Variants in COL5A1 observed in about 807,000 individuals in gnomAD.
The protein encoded by COL5A1 is collagen type V alpha 1 chain.
Under a neutral mutation model 263.7 loss-of-function variants are expected in COL5A1, and 16 were observed. That is an observed-to-expected ratio of 0.06 (90% CI 0.04 to 0.09). COL5A1 has a LOEUF of 0.09. Ranked by LOEUF, COL5A1 falls within the 10% of genes least tolerant of loss-of-function variation. The pLI, the probability that COL5A1 is intolerant of heterozygous loss-of-function variation, is 1.00. For missense variants in COL5A1, 2,036 were observed against 2,540.5 expected, an observed-to-expected ratio of 0.80 and a Z score of 4.27; for synonymous variants, 1,012 against 1,004.5, an observed-to-expected ratio of 1.01 and a Z score of -0.14.
rs1185657975 is a variant in COL5A1, at chr9:134,815,637, C to T, written c.4068+8C>T. The T allele has an allele frequency of 6.2e-7, 1 of 1,613,252 alleles. No homozygotes were observed. The highest frequency in any genetic ancestry group is 1.3e-5 in the African/African-American group (1 of 74,878). ...GGAGAGCCTGGCCCCGCGGTAGGTG[C>T]TCAAGAGGGCAAAGCCACCGGATCC... On this transcript the variant is annotated splice_region_variant and intron_variant, in intron 51 of 65. Transcript: ENST00000371817.
chr9:134,831,198 C>T (rs761744721), intron 64 of COL5A1, among the ~76,000 whole-genome samples: 10 of 152,238 alleles, frequency 6.6e-5, no homozygotes, highest in Non-Finnish European at 1.2e-4. Flanking sequence ...GCCGCCTTTG[C>T]CCTGTCTGCA....
intron 11 of COL5A1, among the ~76,000 whole-genome samples, chr9:134,739,489 C>T (rs533784146): frequency 1.4e-4 from 21 of 152,352 alleles, no homozygotes; most frequent in African/African-American, 4.6e-4. Flanking sequence ...CGGGTGTTCA[C>T]GCCAGGGCCC....
chr9:134,744,920 C>T (rs115854225), intron 11 of COL5A1, among the ~76,000 whole-genome samples: 2,808 of 152,336 alleles, frequency 0.018, 97 homozygotes, highest in African/African-American at 0.063. Context: ...CACACCCAGG[C>T]GTGCACGTGC....
chr9:134,738,157 C>T (rs929198641), intron 9 of COL5A1, among the ~76,000 whole-genome samples: 1 of 152,208 alleles, frequency 6.6e-6, no homozygotes, highest in Admixed American at 6.5e-5. Flanking sequence ...TGGGGTGATG[C>T]AGGGAGCCTG....
At chr9:134,760,931 G>A (rs1836398349) in intron 18 of COL5A1, among the ~76,000 whole-genome samples, 1 of 138,830 alleles carries the variant, frequency 7.2e-6, no homozygotes, top group East Asian at 2.2e-4. Context: ...GTACACACAT[G>A]CACACACATG....
Position 134,740,758 on chromosome 9 carries a change from C to T in COL5A1, c.1494+1950C>T, listed in dbSNP as rs368881878. On this transcript the variant is annotated intron_variant, in intron 11 of 65. Coordinates refer to ENST00000371817, the MANE Select transcript of COL5A1 (RefSeq NM_000093.5). ...GCTTGGGAGTCACTGGTGGGTGGCC[C>T]TGCCAGTGCCTTGTGACACCGTGAC... Among the ~76,000 whole-genome samples the T allele has an allele frequency of 6.2e-3, 940 of 152,234 alleles. 13 individuals carry two copies. The highest frequency in any genetic ancestry group is 0.021 in the African/African-American group (890 of 41,534).
Position 134,701,566 on chromosome 9 carries a change from C to T in COL5A1, c.654+233C>T, listed in dbSNP as rs571912627. On this transcript the variant is annotated intron_variant, in intron 4 of 65. Transcript: ENST00000371817. ...TAGGCCGCGTGGGGATGGCAGTGGC[C>T]GCCCTTGTCCCAAGGGCCCAGTACG... 2.0e-5 allele frequency among the ~76,000 whole-genome samples: 3 copies of T among 152,330 alleles called. No individual in the cohort carries two copies. In the South Asian group the frequency reaches 6.2e-4, roughly 32 times the overall value.
At chr9:134,813,208 GCC>G (rs1430962074) in intron 48 of COL5A1, among the ~76,000 whole-genome samples, 1 of 151,870 alleles carries the variant, frequency 6.6e-6, no homozygotes, top group Non-Finnish European at 1.5e-5. Flanking sequence ...GTGTGTGTGT[GCC>G]TGTGTGTGTG....
chr9:134,731,502 C>T lies in COL5A1; in HGVS notation c.1171C>T (p.Pro391Ser), dbSNP rs1234055460. The T allele has an allele frequency of 6.2e-7, 1 of 1,614,066 alleles. No homozygotes were observed. Among genetic ancestry groups the T allele is most frequent in the Non-Finnish European group, 8.5e-7 (1 of 1,180,028 alleles). The change falls in exon 8 of 66, where the codon CCG (proline) becomes TCG (serine). Residue 391 changes from proline (P) to serine (S), a missense_variant. Around this residue, in one of 3 missense-constraint regions of COL5A1, gnomAD observed 600 missense variants for 634.5 expected, o/e 0.95. Coordinates refer to ENST00000371817, the MANE Select transcript of COL5A1 (RefSeq NM_000093.5). The stretch of plus-strand genomic sequence containing the variant: ...CCTTCCTCTCCCTCTGCAGCCAGCT[C>T]CGCCTCCAGGGGAAGGTGCGGATGA... ...ADTSNSSNPA[P>S]PPGEGADDLE...
At chr9:134,767,162 A>G (rs991344567) in intron 23 of COL5A1, 109 bp downstream of exon 23, 26 of 1,424,926 alleles carry the variant, frequency 1.8e-5, no homozygotes, top group Non-Finnish European at 2.5e-5. Context: ...TCCAAGTAGC[A>G]GCCCCTCCCC....
intron 63 of COL5A1, among the ~76,000 whole-genome samples, chr9:134,828,669 T>A (rs1306940940): frequency 4.8e-5 from 7 of 146,868 alleles, no homozygotes; most frequent in South Asian, 2.2e-4. Context: ...CACACACCCA[T>A]AATGCGCCAT....
intron 18 of COL5A1, among the ~76,000 whole-genome samples, chr9:134,759,381 A>C (rs1015914035): frequency 6.9e-6 from 1 of 143,972 alleles, no homozygotes; most frequent in African/African-American, 2.6e-5. Context: ...CACACACCAC[A>C]CATGCACACA....
intron 24 of COL5A1, among the ~76,000 whole-genome samples, chr9:134,768,054 A>G (rs1836738359): frequency 6.6e-6 from 1 of 152,162 alleles, no homozygotes; most frequent in Admixed American, 6.5e-5. Flanking sequence ...CAGACCAGGG[A>G]GGACAGGGTG....
chr9:134,695,462 A>G (rs1833426282), intron 2 of COL5A1, among the ~76,000 whole-genome samples: 1 of 152,142 alleles, frequency 6.6e-6, no homozygotes, highest in South Asian at 2.1e-4. Context: ...CGAGGGTGGC[A>G]GGGACGGCCG....
chr9:134,762,502 G>A (rs894255202), intron 19 of COL5A1, among the ~76,000 whole-genome samples: 1 of 152,184 alleles, frequency 6.6e-6, no homozygotes, highest in Admixed American at 6.5e-5. Context: ...CAGCATGGAC[G>A]CACAGGCCGG....
In COL5A1 at chr9:134,835,194, A is replaced by G. The variant is rs373824993; in HGVS notation, c.5360A>G (p.Asp1787Gly). The change falls in exon 65 of 66, where the codon GAC becomes GGC. Residue 1787 changes from aspartate to glycine, a missense_variant. Around this residue, in one of 3 missense-constraint regions of COL5A1, gnomAD observed 358 missense variants for 384.6 expected, o/e 0.93. Transcript: ENST00000371817. ...AACCCCTACATCCGCGCCCTGGTGGACGGCTGTGCTGTGAGTATCCCGCGC... is the reference window on the plus strand; with the variant it reads ...AACCCCTACATCCGCGCCCTGGTGGGCGGCTGTGCTGTGAGTATCCCGCGC... Reference protein sequence around the residue: ...DNNPYIRALVDGCATKKGYQK... With the variant: ...DNNPYIRALVGGCATKKGYQK... The G allele has an allele frequency of 6.2e-7, 1 of 1,613,300 alleles. No individual in the cohort carries two copies. The highest frequency in any genetic ancestry group is 1.3e-5 in the African/African-American group (1 of 74,908).
intron 1 of COL5A1, among the ~76,000 whole-genome samples, chr9:134,668,744 T>A (rs79149977): frequency 0.12 from 17,742 of 151,862 alleles, 1,253 homozygotes; most frequent in Admixed American, 0.17. Flanking sequence ...TACCCATCCA[T>A]CTGTCCACCC....
At position 134,680,621 on chromosome 9, in the gene COL5A1, C is replaced by A. The variant is rs1393084941; in HGVS notation, c.110-10291C>A. Among the ~76,000 whole-genome samples, 1 of 152,198 alleles carries A rather than the reference C, an allele frequency of 6.6e-6. No individual in the cohort carries two copies. Among genetic ancestry groups the A allele is most frequent in the Non-Finnish European group, 1.5e-5 (1 of 68,020 alleles). ...GTGCAAAAGGCCTTGAGGTGGGGCC[C>A]CAGGGGCTTGGGGAGGGTGGCCATG... On this transcript the variant is annotated intron_variant, in intron 1 of 65. Transcript: ENST00000371817. This position sits in a 1 kb window ranked among gnomAD's most constrained non-coding sequence, Gnocchi z 5.9.
intron 1 of COL5A1, among the ~76,000 whole-genome samples, chr9:134,674,445 A>G (rs1832631588): frequency 6.6e-6 from 1 of 152,138 alleles, no homozygotes; most frequent in South Asian, 2.1e-4. Flanking sequence ...CAGGGACAGA[A>G]AAAAGATGAG....
Sources: allele counts gnomAD v4.1 joint callset (sites outside exome capture counted in the v4.1 genomes callset), GRCh38; gene constraint gnomAD v4.1.1; regional missense constraint gnomAD v4.1.1; non-coding constraint Gnocchi (gnomAD v3.1); transcripts MANE v1.5; gene names NCBI Gene and HGNC (gene_info 2026-07-23, HGNC 2026-07-21).